DRC7: variants seen among roughly 807,000 people sequenced by gnomAD.
DRC7 encodes the protein coiled-coil domain containing 135.
In DRC7, 80 loss-of-function variants were observed where a neutral mutation model predicts 104.4. That is an observed-to-expected ratio of 0.77 (90% CI 0.64 to 0.92). The LOEUF is 0.92. Ranked by LOEUF, DRC7 falls within the 40% of genes least tolerant of loss-of-function variation. The pLI is 0.00. For synonymous variants in DRC7, 405 were observed against 447.3 expected, an observed-to-expected ratio of 0.91 and a Z score of 1.19; for missense variants, 1,034 against 1,141.1, an observed-to-expected ratio of 0.91 and a Z score of 1.35.
chr16:57,725,929 G>A, intron 13 of DRC7, 139 bp from the exon 14 acceptor site: 1 of 695,070 alleles, frequency 1.4e-6, no homozygotes, highest in Non-Finnish European at 2.6e-6. Context: ...TGGCTAGGAG[G>A]GGCTATTCCA....
intron 8 of DRC7, among the ~76,000 whole-genome samples, chr16:57,716,067 G>C (rs967229756): frequency 6.6e-6 from 1 of 152,218 alleles, no homozygotes; most frequent in Non-Finnish European, 1.5e-5. Flanking sequence ...TGGCGCAAAC[G>C]TACCCTGGGC....
rs1002133637 is a variant in DRC7, at chr16:57,696,498, A to C, written c.-134A>C. 2 of 152,284 alleles carry C rather than the reference A, an allele frequency of 1.3e-5. No homozygotes were observed. Among genetic ancestry groups the C allele is most frequent in the African/African-American group, 4.8e-5 (2 of 41,456 alleles). The allele number at this position is 152,284 out of a possible 1,614,324, so 9.4% of individuals were successfully genotyped here. A position where few individuals can be genotyped will look rare whatever the true frequency, so the allele number is the denominator to read the frequency against. ...ACATCGCAGGGCCACCTCTAGCTGC[A>C]AGAGAATCTGGGAAGCTGAGCAATT... On this transcript the variant is annotated 5_prime_UTR_variant, in exon 2 of 19. Transcript: ENST00000360716.
intron 8 of DRC7, among the ~76,000 whole-genome samples, chr16:57,716,032 G>A (rs2048839370): frequency 6.6e-6 from 1 of 152,220 alleles, no homozygotes; most frequent in Non-Finnish European, 1.5e-5. Flanking sequence ...GAGGAGGATG[G>A]CAAGGCATCC....
At chr16:57,718,983 C>CA (rs1163609296) in intron 9 of DRC7, among the ~76,000 whole-genome samples, 1 of 149,522 alleles carries the variant, frequency 6.7e-6, no homozygotes, top group African/African-American at 2.5e-5. Flanking sequence ...CACCCCACCA[C>CA]AAAAAATAAA....
At chr16:57,703,278 A>G (rs1385895875) in intron 6 of DRC7, among the ~76,000 whole-genome samples, 1 of 151,668 alleles carries the variant, frequency 6.6e-6, no homozygotes, top group Non-Finnish European at 1.5e-5. Flanking sequence ...GCTCATTAAG[A>G]TCTCCATAAG....
intron 3 of DRC7, among the ~76,000 whole-genome samples, chr16:57,698,436 C>T (rs747001147): frequency 6.6e-6 from 1 of 152,122 alleles, no homozygotes; most frequent in Non-Finnish European, 1.5e-5. Context: ...TCTGTAGTCC[C>T]AGCACTTTAG....
chr16:57,729,732 G>A (rs2049030388), intron 17 of DRC7, among the ~76,000 whole-genome samples: 1 of 130,498 alleles, frequency 7.7e-6, no homozygotes, highest in Non-Finnish European at 1.6e-5. Flanking sequence ...GTGAGTGGGT[G>A]GGTGGATGAG....
At chr16:57,731,109 G>T in intron 18 of DRC7, 39 bp downstream of exon 18, 1 of 1,613,694 alleles carries the variant, frequency 6.2e-7, no homozygotes, top group Middle Eastern at 1.7e-4. Context: ...CCACTGGGAG[G>T]CTGGACCACC....
Position 57,726,321 on chromosome 16 carries a change from A to G in DRC7, c.1974+38A>G, listed in dbSNP as rs771516413. 2.6e-6 allele frequency: 4 copies of G among 1,563,358 alleles called. No individual in the cohort carries two copies. The Admixed American group carries it at 6.7e-5, about 26-fold the overall frequency. Reference sequence around the variant, plus strand: ...GCCACGGCGGGCAGGGGTCGGCTGCAGGAGGAACCGGGGCTCTCTGTCTTA... The same window carrying G: ...GCCACGGCGGGCAGGGGTCGGCTGCGGGAGGAACCGGGGCTCTCTGTCTTA... On this transcript the variant is annotated intron_variant, in intron 14 of 18. Transcript: ENST00000360716.
chr16:57,721,646 C>G (rs944041661), intron 9 of DRC7, 21 bp from the exon 10 acceptor site: 2 of 1,599,098 alleles, frequency 1.3e-6, no homozygotes, highest in African/African-American at 1.3e-5. Flanking sequence ...CCACCTCCCC[C>G]ACCCCCTTCT....
intron 6 of DRC7, 149 bp downstream of exon 6, chr16:57,702,279 C>A: frequency 1.4e-6 from 1 of 717,448 alleles, no homozygotes; most frequent in Non-Finnish European, 2.3e-6. Flanking sequence ...CTTCCGCTGC[C>A]CTGGAGTTCA....
In DRC7 at chr16:57,697,825, C is replaced by G. The variant is rs2048612008; in HGVS notation, c.-37-88C>G. Reference sequence around the variant, plus strand: ...TTCGACACCTCCTCAAAACCATCTCCCAGGCCTCCCGGGGATGCCCAGATG... The same window carrying G: ...TTCGACACCTCCTCAAAACCATCTCGCAGGCCTCCCGGGGATGCCCAGATG... On this transcript the variant is annotated intron_variant, in intron 2 of 18. Transcript: ENST00000360716. The G allele has an allele frequency of 7.6e-6, 11 of 1,454,694 alleles. No homozygotes were observed. The South Asian group carries it at 1.5e-4, about 20-fold the overall frequency. 90.1% of individuals were successfully genotyped at this position (1,454,694 alleles called of 1,614,324 possible).
rs759802239 is a variant in DRC7 at position 57,704,933 on chromosome 16, G to C, written c.757G>C (p.Asp253His). 1.5e-5 allele frequency: 24 copies of C among 1,613,760 alleles called. No individual in the cohort carries two copies. The highest frequency in any genetic ancestry group is 1.7e-5 in the Non-Finnish European group (20 of 1,179,960). ...PKKYTIKPPR[D>H]LCSRFEQEQE... is the part of the protein sequence containing the mutation. ...GAAGTATACCATCAAACCCCCCAGGGACCTGTGCAGCAGGTTTGAGCAGGA... is the reference window on the plus strand; with the variant it reads ...GAAGTATACCATCAAACCCCCCAGGCACCTGTGCAGCAGGTTTGAGCAGGA... The change falls in exon 7 of 19, where the codon GAC becomes CAC. Residue 253 changes from aspartate to histidine, a missense_variant. By Grantham distance (81) the Asp-to-His change is moderately conservative (BLOSUM62 -1). Transcript: ENST00000360716.
chr16:57,700,030 C>A, intron 4 of DRC7, 115 bp from the exon 5 acceptor site: 2 of 1,257,224 alleles, frequency 1.6e-6, no homozygotes, highest in Non-Finnish European at 2.2e-6. Flanking sequence ...TGGGCCTGGC[C>A]TCCTGCATTT....
intron 6 of DRC7, among the ~76,000 whole-genome samples, chr16:57,704,393 ACACACACACACACG>A (rs746467054): frequency 7.6e-6 from 1 of 131,796 alleles, no homozygotes; most frequent in South Asian, 2.5e-4. Flanking sequence ...ACACACACAC[ACACACACACACACG>A]GTTTCTTCTC....
intron 17 of DRC7, 140 bp downstream of exon 17, chr16:57,728,724 A>G (rs1442242520): frequency 4.2e-5 from 21 of 503,066 alleles, no homozygotes; most frequent in Non-Finnish European, 6.5e-5. Context: ...TGGGGTTTCC[A>G]AATGACTGAG....
chr16:57,711,144 T>A (rs2048788285), intron 8 of DRC7, among the ~76,000 whole-genome samples: 1 of 152,244 alleles, frequency 6.6e-6, no homozygotes, highest in Non-Finnish European at 1.5e-5. Flanking sequence ...AGGTACAAAT[T>A]CAATAGGAAG....
chr16:57,718,211 T>C (rs2048864563), intron 8 of DRC7, 136 bp from the exon 9 acceptor site: 4 of 1,113,068 alleles, frequency 3.6e-6, no homozygotes, highest in Admixed American at 2.3e-5. Context: ...CACCTGGGAC[T>C]GACGTTCTGC....
At chr16:57,718,940 G>A (rs1011574559) in intron 9 of DRC7, among the ~76,000 whole-genome samples, 4 of 151,986 alleles carry the variant, frequency 2.6e-5, no homozygotes, top group Non-Finnish European at 5.9e-5. Context: ...AGTGAGCCAT[G>A]TTCATGCCAC....
Sources: gnomAD v4.1 joint callset for allele counts (sites outside exome capture counted in the v4.1 genomes callset) on GRCh38, gnomAD v4.1.1 for gene constraint, MANE v1.5 for transcripts, NCBI Gene and HGNC (gene_info 2026-07-23, HGNC 2026-07-21) for gene names.